Variants in MGMT observed in about 807,000 individuals in gnomAD.
The protein encoded by MGMT is O-6-methylguanine-DNA methyltransferase.
A neutral mutation model predicts 15.9 loss-of-function variants in MGMT; 14 were observed. The observed-to-expected ratio is 0.88, with a 90% CI of 0.58 to 1.37. The LOEUF is 1.37. Ranked by LOEUF, MGMT falls within the 40% of genes most tolerant of loss-of-function variation. The pLI is 0.00. For synonymous variants in MGMT, 130 were observed against 118.2 expected, an observed-to-expected ratio of 1.10 and a Z score of -0.65; for missense variants, 282 against 268.1, an observed-to-expected ratio of 1.05 and a Z score of -0.36.
intron 1 of MGMT, among the ~76,000 whole-genome samples, chr10:129,519,772 G>T (rs989945002): frequency 6.6e-6 from 1 of 152,138 alleles, no homozygotes; most frequent in Non-Finnish European, 1.5e-5. Flanking sequence ...TGGTGTGCAG[G>T]CTTAATGCTC....
rs544566762 is a variant in MGMT, at chr10:129,566,154, C to G, written c.125+29777C>G. 6.6e-6 allele frequency among the ~76,000 whole-genome samples: 1 copy of G among 152,218 alleles called. No individual in the cohort carries two copies. The highest frequency in any genetic ancestry group is 2.4e-5 in the African/African-American group (1 of 41,462). Reference sequence around the variant, plus strand: ...GCTAGAGCAGGGTTCCCAGTGCCCCCAGGCTCTACTTTGCTCTGCCTGGTC... The same window carrying G: ...GCTAGAGCAGGGTTCCCAGTGCCCCGAGGCTCTACTTTGCTCTGCCTGGTC... On this transcript the variant is annotated intron_variant, in intron 2 of 4. Transcript: ENST00000651593. The surrounding 1 kb of genome is among the most constrained non-coding windows in gnomAD (Gnocchi z 4.1).
chr10:129,702,328 G>A (rs192728396), intron 2 of MGMT, among the ~76,000 whole-genome samples: 1 of 152,308 alleles, frequency 6.6e-6, no homozygotes, highest in Admixed American at 6.5e-5. Context: ...ATGTACACAC[G>A]CCCAGCAAAG....
At chr10:129,506,404 C>T (rs187006540) in intron 1 of MGMT, among the ~76,000 whole-genome samples, 3 of 152,266 alleles carry the variant, frequency 2.0e-5, no homozygotes, top group Admixed American at 6.5e-5. Flanking sequence ...TTGTGTCTTT[C>T]CCATCACCCT....
At chr10:129,725,934 C>G (rs1848428765) in intron 3 of MGMT, among the ~76,000 whole-genome samples, 1 of 152,226 alleles carries the variant, frequency 6.6e-6, no homozygotes, top group South Asian at 2.1e-4. Context: ...GGCAGTTTCT[C>G]TTTAGCTGAA....
intron 1 of MGMT, among the ~76,000 whole-genome samples, chr10:129,530,813 G>A (rs563248358): frequency 7.9e-5 from 12 of 152,212 alleles, no homozygotes; most frequent in Non-Finnish European, 1.8e-4. Context: ...CCCAGCTCTC[G>A]TGGCGGGTGC....
At chr10:129,667,629 G>T (rs1847674645) in intron 2 of MGMT, among the ~76,000 whole-genome samples, 1 of 152,092 alleles carries the variant, frequency 6.6e-6, no homozygotes. Flanking sequence ...ATTTCTGCTG[G>T]GTATGTCCTA....
At chr10:129,605,309 C>T (rs1182524552) in intron 2 of MGMT, among the ~76,000 whole-genome samples, 2 of 152,116 alleles carry the variant, frequency 1.3e-5, no homozygotes, top group African/African-American at 4.8e-5. Flanking sequence ...TATTTGCGGT[C>T]CTTGATCTTT....
chr10:129,603,372 G>A (rs766250498), intron 2 of MGMT, among the ~76,000 whole-genome samples: 2 of 152,214 alleles, frequency 1.3e-5, no homozygotes, highest in Non-Finnish European at 2.9e-5. Context: ...CTGACTGAGC[G>A]CGTTGGGTTG....
chr10:129,597,531 A>C (rs1846765417), intron 2 of MGMT, among the ~76,000 whole-genome samples: 1 of 152,170 alleles, frequency 6.6e-6, no homozygotes, highest in South Asian at 2.1e-4. Context: ...AATCTTTGAG[A>C]AGAAATATGT....
chr10:129,486,177 CTTT>C (rs33985155), intron 1 of MGMT, among the ~76,000 whole-genome samples: 80 of 113,260 alleles, frequency 7.1e-4, no homozygotes, highest in Middle Eastern at 5.0e-3. Flanking sequence ...CTTCTCTTCT[CTTT>C]TTTTTTTTTT....
intron 1 of MGMT, among the ~76,000 whole-genome samples, chr10:129,481,079 G>A (rs932913933): frequency 3.9e-5 from 6 of 152,184 alleles, no homozygotes; most frequent in African/African-American, 1.2e-4. Flanking sequence ...TGCCCTGACC[G>A]TGCCTTCCTC....
At chr10:129,623,203 T>A (rs1847109878) in intron 2 of MGMT, among the ~76,000 whole-genome samples, 1 of 152,166 alleles carries the variant, frequency 6.6e-6, no homozygotes. Context: ...GCATACAGTC[T>A]AGTTATGAAG....
chr10:129,740,974 C>T (rs545076030), intron 3 of MGMT, among the ~76,000 whole-genome samples: 4 of 152,308 alleles, frequency 2.6e-5, no homozygotes, highest in Non-Finnish European at 5.9e-5. Context: ...GTTTCCCTAA[C>T]GTTGCTCAAA....
intron 2 of MGMT, among the ~76,000 whole-genome samples, chr10:129,656,880 G>A (rs1002109824): frequency 3.3e-5 from 5 of 152,074 alleles, no homozygotes; most frequent in African/African-American, 1.2e-4. Flanking sequence ...GGGGCCCCAA[G>A]GTTCTCCTTT....
chr10:129,622,458 G>A lies in MGMT; in HGVS notation c.126-85437G>A, dbSNP rs75493589. On this transcript the variant is annotated intron_variant, in intron 2 of 4. Transcript: ENST00000651593. ...CATGATCTGTGCTGGAACCTGATGCGGTCTAGTTTACACGGTATTGAATCA... is the reference window on the plus strand; with the variant it reads ...CATGATCTGTGCTGGAACCTGATGCAGTCTAGTTTACACGGTATTGAATCA... Among the ~76,000 whole-genome samples the A allele has an allele frequency of 3.2e-3, 486 of 152,276 alleles. 5 individuals carry two copies. The highest frequency in any genetic ancestry group is 0.01 in the African/African-American group (434 of 41,554).
intron 2 of MGMT, among the ~76,000 whole-genome samples, chr10:129,598,616 G>A (rs1464447033): frequency 6.6e-6 from 1 of 152,206 alleles, no homozygotes; most frequent in Admixed American, 6.5e-5. Context: ...TACTAAGCAT[G>A]GAGTTAAACT....
At chr10:129,543,187 C>A (rs957786125) in intron 2 of MGMT, among the ~76,000 whole-genome samples, 2 of 152,112 alleles carry the variant, frequency 1.3e-5, no homozygotes, top group South Asian at 4.1e-4. Flanking sequence ...TAGCGTAGCC[C>A]GTGATGGTGG....
chr10:129,679,009 G>T, intron 2 of MGMT, among the ~76,000 whole-genome samples: 1 of 151,244 alleles, frequency 6.6e-6, no homozygotes, highest in Non-Finnish European at 1.5e-5. Flanking sequence ...GGAGGCAGAG[G>T]TTGCAGTGAG....
intron 2 of MGMT, among the ~76,000 whole-genome samples, chr10:129,662,852 A>T (rs1847615063): frequency 1.3e-5 from 2 of 152,206 alleles, no homozygotes; most frequent in South Asian, 4.1e-4. Context: ...TAAAATGCTA[A>T]AAGTCACACT....
Sources: allele counts gnomAD v4.1 joint callset (sites outside exome capture counted in the v4.1 genomes callset), GRCh38; gene constraint gnomAD v4.1.1; non-coding constraint Gnocchi (gnomAD v3.1); transcripts MANE v1.5; gene names NCBI Gene and HGNC (gene_info 2026-07-23, HGNC 2026-07-21).